Variants in RUNX2 observed in about 807,000 individuals in gnomAD.
The protein encoded by RUNX2 is RUNX family transcription factor 2, also known as runt-related transcription factor 2.
RUNX2 carries 10 observed loss-of-function variants against 51.7 expected under a neutral mutation model. That is an observed-to-expected ratio of 0.19 (90% confidence interval 0.12 to 0.33). The LOEUF is 0.33. RUNX2 is among the 10% of genes least tolerant of loss of function. The probability of loss-of-function intolerance (pLI) is 1.00; values close to 1 mark genes in which losing one functional copy is unlikely to be tolerated. For missense variants in RUNX2, 562 were observed against 691.3 expected, an observed-to-expected ratio of 0.81 and a Z score of 2.10; for synonymous variants, 276 against 273.6, an observed-to-expected ratio of 1.01 and a Z score of -0.09.
chr6:45,414,978 C>T (rs1451251612), intron 2 of RUNX2, among the ~76,000 whole-genome samples: 2 of 151,954 alleles, frequency 1.3e-5, no homozygotes, highest in Non-Finnish European at 2.9e-5. Flanking sequence ...ATCTTCTTCT[C>T]TTTAAAATAT....
chr6:45,485,669 A>ATGTGTG (rs1229585406), intron 5 of RUNX2, among the ~76,000 whole-genome samples: 4 of 119,314 alleles, frequency 3.4e-5, no homozygotes, highest in African/African-American at 9.5e-5. Context: ...GTGCATGGAT[A>ATGTGTG]TGTATGTGTG....
intron 2 of RUNX2, among the ~76,000 whole-genome samples, chr6:45,333,534 A>G (rs1429580900): frequency 6.6e-6 from 1 of 151,564 alleles, no homozygotes; most frequent in African/African-American, 2.4e-5. Context: ...ACATGTTATC[A>G]AACACTTTAG....
chr6:45,475,476 A>G (rs73448159), intron 5 of RUNX2, among the ~76,000 whole-genome samples: 8,063 of 152,262 alleles, frequency 0.053, 546 homozygotes, highest in East Asian at 0.17. Flanking sequence ...GATGGAAGGT[A>G]TGGCATGGAG....
At chr6:45,340,565 C>CCT (rs1236233353) in intron 2 of RUNX2, among the ~76,000 whole-genome samples, 1 of 152,018 alleles carries the variant, frequency 6.6e-6, no homozygotes, top group Non-Finnish European at 1.5e-5. Flanking sequence ...CTCAAGCGAT[C>CCT]CTCCCACCTC....
At position 45,349,719 on chromosome 6, in the gene RUNX2, A is replaced by G. The variant is rs73735380; in HGVS notation, c.58+20935A>G. Reference sequence around the variant, plus strand: ...TCATCATTAAAATTATATTATTTCAATATAGTCTCTAAAATACTCTGAAGT... The same window carrying G: ...TCATCATTAAAATTATATTATTTCAGTATAGTCTCTAAAATACTCTGAAGT... On this transcript the variant is annotated intron_variant, in intron 2 of 8. Coordinates refer to ENST00000647337, the MANE Select transcript of RUNX2 (RefSeq NM_001024630.4). Among the ~76,000 whole-genome samples the G allele has an allele frequency of 7.2e-3, 1,098 of 152,334 alleles. 19 individuals are homozygous for G. The highest frequency in any genetic ancestry group is 0.025 in the African/African-American group (1,046 of 41,566).
intron 2 of RUNX2, among the ~76,000 whole-genome samples, chr6:45,355,524 C>G (rs1162394334): frequency 6.6e-6 from 1 of 152,080 alleles, no homozygotes; most frequent in East Asian, 1.9e-4. Context: ...GAACCAAGAT[C>G]TTGCAGCTCC....
At chr6:45,495,558 G>A (rs1800620737) in intron 6 of RUNX2, among the ~76,000 whole-genome samples, 1 of 152,128 alleles carries the variant, frequency 6.6e-6, no homozygotes, top group Non-Finnish European at 1.5e-5. Context: ...TTTAGTTCAT[G>A]TAATCCTTTG....
chr6:45,354,439 T>G (rs1421524992), intron 2 of RUNX2, among the ~76,000 whole-genome samples: 1 of 152,130 alleles, frequency 6.6e-6, no homozygotes, highest in Non-Finnish European at 1.5e-5. Context: ...AGTGTATGCC[T>G]CGCTTGGAAA....
chr6:45,420,922 TAGAA>T (rs1273592574), intron 2 of RUNX2, among the ~76,000 whole-genome samples: 2 of 152,192 alleles, frequency 1.3e-5, no homozygotes, highest in Non-Finnish European at 2.9e-5. Context: ...ACCTAATCAT[TAGAA>T]ATCCCAGCCT....
intron 2 of RUNX2, among the ~76,000 whole-genome samples, chr6:45,351,111 G>A (rs1457135302): frequency 6.6e-6 from 1 of 152,058 alleles, no homozygotes; most frequent in Non-Finnish European, 1.5e-5. Context: ...CAGGTCTGTG[G>A]AAAAAATGCC....
chr6:45,434,197 T>C (rs1798618684), intron 4 of RUNX2, among the ~76,000 whole-genome samples: 1 of 151,922 alleles, frequency 6.6e-6, no homozygotes. Context: ...CAGATCACAC[T>C]CTGAAAAAAA....
chr6:45,480,660 T>C (rs1218276781), intron 5 of RUNX2, among the ~76,000 whole-genome samples: 1 of 152,246 alleles, frequency 6.6e-6, no homozygotes, highest in Non-Finnish European at 1.5e-5. Flanking sequence ...CAGAGCAGCA[T>C]ACAATTGAAA....
At chr6:45,437,439 A>G (rs1006928308) in intron 4 of RUNX2, among the ~76,000 whole-genome samples, 1 of 152,190 alleles carries the variant, frequency 6.6e-6, no homozygotes, top group Non-Finnish European at 1.5e-5. Context: ...AATGATTCCC[A>G]TAAGAACTTT....
At chr6:45,423,817 G>A (rs1433745126) in intron 3 of RUNX2, among the ~76,000 whole-genome samples, 1 of 152,162 alleles carries the variant, frequency 6.6e-6, no homozygotes, top group Non-Finnish European at 1.5e-5. Flanking sequence ...CCTGGGCGCT[G>A]AACCCTCGAG....
intron 7 of RUNX2, 83 bp from the exon 8 acceptor site, chr6:45,545,134 G>T (rs1802358069): frequency 1.7e-6 from 2 of 1,164,470 alleles, no homozygotes; most frequent in Non-Finnish European, 2.5e-6. Context: ...TAAGGCTGTT[G>T]CTTCTCCTTC....
chr6:45,489,322 G>A (rs1563108670), intron 5 of RUNX2, among the ~76,000 whole-genome samples: 1 of 152,134 alleles, frequency 6.6e-6, no homozygotes, highest in Non-Finnish European at 1.5e-5. Context: ...ACACTTACCA[G>A]TCCTAGCCTA....
At chr6:45,421,299 C>G (rs1298662674) in intron 2 of RUNX2, 1 of 152,174 alleles carries the variant, frequency 6.6e-6, no homozygotes, top group African/African-American at 2.4e-5. Flanking sequence ...ACACCTCATT[C>G]TTGTTCTCTA....
At chr6:45,461,027 G>T (rs1284879401) in intron 5 of RUNX2, among the ~76,000 whole-genome samples, 1 of 152,172 alleles carries the variant, frequency 6.6e-6, no homozygotes, top group African/African-American at 2.4e-5. Flanking sequence ...GGTTATGATG[G>T]ATTAGGTGGA....
intron 7 of RUNX2, among the ~76,000 whole-genome samples, chr6:45,524,932 G>A (rs1341213377): frequency 6.6e-6 from 1 of 152,152 alleles, no homozygotes; most frequent in Non-Finnish European, 1.5e-5. Flanking sequence ...CCAAAATGGT[G>A]AAACCTCGTA....
Sources: allele counts gnomAD v4.1 joint callset (sites outside exome capture counted in the v4.1 genomes callset), GRCh38; gene constraint gnomAD v4.1.1; transcripts MANE v1.5; gene names NCBI Gene and HGNC (gene_info 2026-07-23, HGNC 2026-07-21).